NEO1: variants seen among roughly 807,000 people sequenced by gnomAD.
NEO1 encodes neogenin.
In NEO1, 63 loss-of-function variants were observed where a neutral mutation model predicts 159.7. The observed-to-expected ratio is 0.39, with a 90% CI of 0.32 to 0.49. The LOEUF (loss-of-function observed/expected upper bound fraction) is 0.49, where lower values mean the gene tolerates loss of function less well. Ranked by LOEUF, NEO1 falls within the 20% of genes least tolerant of loss-of-function variation. The pLI, the probability that NEO1 is intolerant of heterozygous loss-of-function variation, is 0.85. For synonymous variants in NEO1, 633 were observed against 662.0 expected, an observed-to-expected ratio of 0.96 and a Z score of 0.67; for missense variants, 1,615 against 1,831.0, an observed-to-expected ratio of 0.88 and a Z score of 2.15.
At chr15:73,236,073 G>A (rs1452075387) in intron 7 of NEO1, among the ~76,000 whole-genome samples, 1 of 152,124 alleles carries the variant, frequency 6.6e-6, no homozygotes, top group Non-Finnish European at 1.5e-5. Flanking sequence ...TTGCTCTACA[G>A]TGATGTGTTT....
chr15:73,163,755 A>G (rs1041762016), intron 5 of NEO1, among the ~76,000 whole-genome samples: 2 of 152,154 alleles, frequency 1.3e-5, no homozygotes, highest in Non-Finnish European at 2.9e-5. Flanking sequence ...GTCCTATACT[A>G]CACTTTGATT....
chr15:73,285,281 G>A (rs1488687428), intron 23 of NEO1, among the ~76,000 whole-genome samples: 9 of 151,930 alleles, frequency 5.9e-5, no homozygotes, highest in Non-Finnish European at 8.8e-5. Context: ...CACCATGCCC[G>A]GCTAATTTTT....
At chr15:73,151,071 G>A (rs1214823606) in intron 5 of NEO1, among the ~76,000 whole-genome samples, 2 of 152,152 alleles carry the variant, frequency 1.3e-5, no homozygotes, top group East Asian at 3.8e-4. Context: ...TACCAACAGT[G>A]TATGTGAGTT....
At chr15:73,052,180 G>A (rs1293561151), upstream of NEO1, among the ~76,000 whole-genome samples, 1 of 149,032 alleles carries the variant, frequency 6.7e-6, no homozygotes, top group African/African-American at 2.4e-5. Flanking sequence ...GGAGGGGAGC[G>A]GGCCCGCCAC....
intron 1 of NEO1, among the ~76,000 whole-genome samples, chr15:73,108,931 G>A (rs1160008077): frequency 6.6e-6 from 1 of 152,180 alleles, no homozygotes; most frequent in Non-Finnish European, 1.5e-5. Context: ...ATTGAGAGAA[G>A]TGAGAGGAAG....
Position 73,235,495 on chromosome 15 carries a change from G to A in NEO1, c.1292-852G>A, listed in dbSNP as rs543218235. On this transcript the variant is annotated intron_variant, in intron 7 of 28. Coordinates refer to ENST00000261908, the MANE Select transcript of NEO1 (RefSeq NM_002499.4). Reference sequence around the variant, plus strand: ...GCTATACAAAAGTGGCTTTTGACTAGCAGCTTTGCCTCGCCACTGCTTCCT... The same window carrying A: ...GCTATACAAAAGTGGCTTTTGACTAACAGCTTTGCCTCGCCACTGCTTCCT... Among the ~76,000 whole-genome samples, 7 of 152,312 alleles carry A rather than the reference G, an allele frequency of 4.6e-5. 1 individual carries two copies. In the South Asian group the frequency reaches 8.3e-4, roughly 18 times the overall value.
chr15:73,145,967 C>T lies in NEO1; in HGVS notation c.1015+9940C>T, dbSNP rs145943682. Among the ~76,000 whole-genome samples the T allele has an allele frequency of 2.2e-3, 338 of 152,224 alleles. 4 individuals carry two copies. The highest frequency in any genetic ancestry group is 3.5e-3 in the East Asian group (18 of 5,188). Reference sequence around the variant, plus strand: ...ACTTAATTTCAAGGGCAACCACTAGCTACTTAAAAACACCATGCAGTTATT... The same window carrying T: ...ACTTAATTTCAAGGGCAACCACTAGTTACTTAAAAACACCATGCAGTTATT... On this transcript the variant is annotated intron_variant, in intron 5 of 28. Coordinates refer to ENST00000261908, the MANE Select transcript of NEO1 (RefSeq NM_002499.4).
intron 25 of NEO1, among the ~76,000 whole-genome samples, chr15:73,290,108 G>T (rs2042104573): frequency 6.6e-6 from 1 of 151,550 alleles, no homozygotes; most frequent in African/African-American, 2.4e-5. Flanking sequence ...TTGCACTCCA[G>T]CTTGGGCAAC....
At chr15:73,241,547 A>G (rs890554371) in intron 8 of NEO1, among the ~76,000 whole-genome samples, 7 of 152,194 alleles carry the variant, frequency 4.6e-5, no homozygotes, top group Non-Finnish European at 8.8e-5. Context: ...AGGCCCAGAA[A>G]GCATTAGTGA....
rs541205120 is a variant in NEO1, at chr15:73,227,353, G to A, written c.1292-8994G>A. 8.2e-4 allele frequency among the ~76,000 whole-genome samples: 125 copies of A among 152,158 alleles called. 1 individual carries two copies. The South Asian group carries it at 0.012, about 14-fold the overall frequency. On this transcript the variant is annotated intron_variant, in intron 7 of 28. Coordinates refer to ENST00000261908, the MANE Select transcript of NEO1 (RefSeq NM_002499.4). ...TCTGCTAAAAATACAAAAATTAGCC[G>A]GGTATGGTGGCGCATGCCTATAATC... is the stretch of plus-strand genomic sequence containing the variant.
In NEO1 at chr15:73,176,557, A is replaced by G. The variant is rs2035287716; in HGVS notation, c.1170A>G (p.Val390=). ...TCCCAAGTGATTATTTTAAGATTGT[A>G]GTAAGTATTTTTCAAAGAAGTGTGT... is the stretch of plus-strand genomic sequence containing the variant. The part of the protein sequence containing the change: ...MVIPSDYFKI[V]KEHNLQVLGL... Residue 390 remains valine, a splice_region_variant and synonymous_variant, in exon 6 of 29, where the codon GTA becomes GTG. Coordinates refer to ENST00000261908, the MANE Select transcript of NEO1 (RefSeq NM_002499.4). 6.2e-7 allele frequency: 1 copy of G among 1,604,332 alleles called. No individual in the cohort carries two copies. The highest frequency in any genetic ancestry group is 8.5e-7 in the Non-Finnish European group (1 of 1,175,948).
chr15:73,187,284 T>A (rs2035985070), intron 7 of NEO1, among the ~76,000 whole-genome samples: 1 of 152,166 alleles, frequency 6.6e-6, no homozygotes, highest in African/African-American at 2.4e-5. Context: ...CCTTTAACAG[T>A]TCCTTTTTGG....
intron 7 of NEO1, among the ~76,000 whole-genome samples, chr15:73,236,091 T>A (rs1409179361): frequency 6.6e-6 from 1 of 152,232 alleles, no homozygotes. Flanking sequence ...TTTTGAATAG[T>A]GCCCATTAGT....
intron 26 of NEO1, among the ~76,000 whole-genome samples, chr15:73,293,940 G>C (rs2042255377): frequency 6.6e-6 from 1 of 152,134 alleles, no homozygotes; most frequent in South Asian, 2.1e-4. Flanking sequence ...ACATTGGGTA[G>C]GTCCAAAGGT....
At chr15:73,084,259 C>T (rs1237596549) in intron 1 of NEO1, among the ~76,000 whole-genome samples, 3 of 152,062 alleles carry the variant, frequency 2.0e-5, no homozygotes, top group African/African-American at 7.2e-5. Context: ...TGAACTTATT[C>T]CTCCTATCTA....
At chr15:73,244,954 C>CAAAAAAAAA (rs57566986) in intron 9 of NEO1, among the ~76,000 whole-genome samples, 465 of 16,520 alleles carry the variant, frequency 0.028, 116 homozygotes, top group Non-Finnish European at 0.035. Flanking sequence ...GACTCTGTCT[C>CAAAAAAAAA]AAAAAAAAAA....
At chr15:73,227,399 C>T (rs1041536418) in intron 7 of NEO1, among the ~76,000 whole-genome samples, 1 of 151,982 alleles carries the variant, frequency 6.6e-6, no homozygotes, top group Non-Finnish European at 1.5e-5. Flanking sequence ...GGGAGGCTGA[C>T]GCAGGAGAAT....
chr15:73,128,538 T>C (rs2030639712), intron 4 of NEO1, among the ~76,000 whole-genome samples: 1 of 152,200 alleles, frequency 6.6e-6, no homozygotes, highest in Non-Finnish European at 1.5e-5. Flanking sequence ...GTCATGCATG[T>C]TCTAGGTGCT....
chr15:73,089,626 C>CTTGG (rs1292427060), intron 1 of NEO1, among the ~76,000 whole-genome samples: 1 of 149,518 alleles, frequency 6.7e-6, no homozygotes, highest in Admixed American at 6.6e-5. Context: ...TGCTCCTTAA[C>CTTGG]TTGGTCAACA....
Sources: gnomAD v4.1 joint callset for allele counts (sites outside exome capture counted in the v4.1 genomes callset) on GRCh38, gnomAD v4.1.1 for gene constraint, MANE v1.5 for transcripts, NCBI Gene and HGNC (gene_info 2026-07-23, HGNC 2026-07-21) for gene names.